The following COBLL1 variants were observed in gnomAD, a reference collection of about 807,000 sequenced individuals.
The protein encoded by COBLL1 is cordon-bleu WH2 repeat protein like 1, also known as cordon-bleu protein-like 1.
Under a neutral mutation model 94.8 loss-of-function variants are expected in COBLL1, and 50 were observed. The ratio of observed to expected loss-of-function variants is 0.53; its 90% confidence interval spans 0.42 to 0.67. The LOEUF (loss-of-function observed/expected upper bound fraction) is 0.67. Among genes scored for constraint, COBLL1 ranks in the 30% least tolerant of loss-of-function variants. COBLL1 has a pLI of 0.00. For synonymous variants in COBLL1, 448 were observed against 473.8 expected (o/e 0.95, Z 0.71); for missense variants, 1,362 against 1,348.7 (o/e 1.01, Z -0.15).
At chr2:164,819,628 G>C (rs1393990604) in intron 2 of COBLL1, among the ~76,000 whole-genome samples, 1 of 152,120 alleles carries the variant, frequency 6.6e-6, no homozygotes, top group African/African-American at 2.4e-5. Context: ...ATTTCAGGTA[G>C]GGAAAGAAAC....
chr2:164,729,807 C>A (rs951584563), intron 4 of COBLL1, 107 bp downstream of exon 4: 1 of 941,220 alleles, frequency 1.1e-6, no homozygotes. Flanking sequence ...AAACATAATA[C>A]TCACATTCAC....
At chr2:164,739,809 T>C (rs1259566246) in intron 3 of COBLL1, among the ~76,000 whole-genome samples, 1 of 152,230 alleles carries the variant, frequency 6.6e-6, no homozygotes, top group Non-Finnish European at 1.5e-5. Flanking sequence ...ATTAGGTAGT[T>C]AACATTTTTC....
intron 3 of COBLL1, among the ~76,000 whole-genome samples, chr2:164,738,742 T>G (rs985362498): frequency 6.6e-6 from 1 of 152,192 alleles, no homozygotes; most frequent in East Asian, 1.9e-4. Flanking sequence ...GATTTTGAAG[T>G]ATTTGCATTA....
intron 11 of COBLL1, 106 bp from the exon 12 acceptor site, chr2:164,695,942 G>T: frequency 5.6e-6 from 5 of 897,174 alleles, no homozygotes; most frequent in Non-Finnish European, 6.6e-6. Flanking sequence ...GAATTCTACA[G>T]ATAATTTTCA....
At position 164,683,404 on chromosome 2, in the gene COBLL1, C is replaced by T. The variant is rs1324589731; in HGVS notation, c.*2542G>A. 6.6e-6 allele frequency: 1 copy of T among 151,958 alleles called. No individual in the cohort carries two copies. The highest frequency in any genetic ancestry group is 1.5e-5 in the Non-Finnish European group (1 of 67,972). 9.4% of individuals were successfully genotyped at this position (151,958 alleles called of 1,614,324 possible). On this transcript the variant is annotated 3_prime_UTR_variant, in exon 14 of 14. Coordinates refer to ENST00000652658, the MANE Select transcript of COBLL1 (RefSeq NM_001365672.2). ...CCATTGACAGGATAGCACATGTTCT[C>T]CTAAAATGGTGTCGATAAGGCAACT...
chr2:164,732,419 T>C (rs1335847015), intron 3 of COBLL1, among the ~76,000 whole-genome samples: 2 of 152,184 alleles, frequency 1.3e-5, no homozygotes, highest in African/African-American at 2.4e-5. Flanking sequence ...TTTGGTAATA[T>C]GGTACTCTAC....
At chr2:164,669,298 G>C (rs149487203) in intron 1 of COBLL1, among the ~76,000 whole-genome samples, 1 of 152,046 alleles carries the variant, frequency 6.6e-6, no homozygotes, top group Non-Finnish European at 1.5e-5. Flanking sequence ...ATGCTACCTG[G>C]TAATATAAAA....
intron 1 of COBLL1, among the ~76,000 whole-genome samples, chr2:164,666,734 A>G (rs1691165006): frequency 6.6e-6 from 1 of 152,186 alleles, no homozygotes; most frequent in Non-Finnish European, 1.5e-5. Flanking sequence ...TTGCTCTTCC[A>G]TAAGAAGCAA....
chr2:164,732,958 G>A (rs1295104103), intron 3 of COBLL1, among the ~76,000 whole-genome samples: 1 of 152,300 alleles, frequency 6.6e-6, no homozygotes, highest in East Asian at 1.9e-4. Flanking sequence ...GGGAGGCTGA[G>A]GCAGGAGAAT....
chr2:164,819,060 C>T (rs973109757), intron 2 of COBLL1, among the ~76,000 whole-genome samples: 3 of 151,902 alleles, frequency 2.0e-5, no homozygotes, highest in African/African-American at 2.4e-5. Context: ...TGTGGGCAAC[C>T]GTGCCTGGCC....
rs374494138 is a variant in COBLL1 at position 164,769,233 on chromosome 2, TC to T, written c.42-25359del. Among the ~76,000 whole-genome samples the T allele has an allele frequency of 4.9e-4, 75 of 152,298 alleles. No individual in the cohort carries two copies. In the East Asian group the frequency reaches 0.014, roughly 28 times the overall value. On this transcript the variant is annotated intron_variant, in intron 2 of 13. Coordinates refer to ENST00000652658, the MANE Select transcript of COBLL1 (RefSeq NM_001365672.2). The stretch of plus-strand genomic sequence containing the variant: ...AATGTATTTAGTGTGAAATAACAGT[TC>T]CTTTCAGCATTTGACCCTGATTCAT...
chr2:164,768,013 A>G (rs535506978), intron 2 of COBLL1, among the ~76,000 whole-genome samples: 1 of 152,272 alleles, frequency 6.6e-6, no homozygotes, highest in African/African-American at 2.4e-5. Context: ...TTACTGAGGG[A>G]CTGGAAATCT....
At chr2:164,825,380 CAG>C (rs1203097445) in intron 2 of COBLL1, among the ~76,000 whole-genome samples, 1 of 152,056 alleles carries the variant, frequency 6.6e-6, no homozygotes, top group Non-Finnish European at 1.5e-5. Flanking sequence ...TTTCCAAGTG[CAG>C]AGTTTATGCA....
At chr2:164,723,134 A>G (rs1312927107) in intron 5 of COBLL1, 1 of 152,316 alleles carries the variant, frequency 6.6e-6, no homozygotes, top group East Asian at 1.9e-4. Context: ...TGCTGTCTGC[A>G]TTTACTGGGT....
intron 2 of COBLL1, among the ~76,000 whole-genome samples, chr2:164,820,491 G>C (rs10930137): frequency 0.2 from 29,865 of 152,140 alleles, 3,046 homozygotes; most frequent in Middle Eastern, 0.28. Context: ...AAAGTGCTGG[G>C]ATTACAGGCA....
At chr2:164,839,790 T>C (rs945275410) in intron 2 of COBLL1, among the ~76,000 whole-genome samples, 3 of 152,204 alleles carry the variant, frequency 2.0e-5, no homozygotes, top group Admixed American at 6.5e-5. Context: ...TCTACCGATA[T>C]ATTTCTTTAC....
chr2:164,826,775 T>C (rs1685447619), intron 2 of COBLL1, among the ~76,000 whole-genome samples: 1 of 152,216 alleles, frequency 6.6e-6, no homozygotes, highest in Non-Finnish European at 1.5e-5. Flanking sequence ...TTTCATTGCA[T>C]CAGACAACTG....
intron 2 of COBLL1, among the ~76,000 whole-genome samples, chr2:164,805,327 C>CTATATATATATATA (rs1282917607): frequency 3.8e-5 from 1 of 26,480 alleles, no homozygotes; most frequent in African/African-American, 1.5e-4. Flanking sequence ...CTCTCTCTCT[C>CTATATATATATATA]TCTCTCTCTC....
In COBLL1 at chr2:164,695,615, G is replaced by T. The variant is rs1321078667; in HGVS notation, c.1777C>A (p.Gln593Lys). 1 of 1,613,824 alleles carries T rather than the reference G, an allele frequency of 6.2e-7. No individual in the cohort carries two copies. The highest frequency in any genetic ancestry group is 8.5e-7 in the Non-Finnish European group (1 of 1,179,882). The change falls in exon 12 of 14, where the codon CAA becomes AAA. Residue 593 changes from glutamine to lysine, a missense_variant. By Grantham distance (53) the Gln-to-Lys change is moderately conservative (BLOSUM62 1). Coordinates refer to ENST00000652658, the MANE Select transcript of COBLL1 (RefSeq NM_001365672.2). ...TCTTTTGTCTTTTCTGCACTGGGTTGATTCAGTTTTTGATCTGGTACTGAT... is the reference window on the plus strand; with the variant it reads ...TCTTTTGTCTTTTCTGCACTGGGTTTATTCAGTTTTTGATCTGGTACTGAT... ...ASSVPDQKLN[Q>K]PSAEKTKDAA...
Sources: gnomAD v4.1 joint callset for allele counts (sites outside exome capture counted in the v4.1 genomes callset) on GRCh38, gnomAD v4.1.1 for gene constraint, MANE v1.5 for transcripts, NCBI Gene and HGNC (gene_info 2026-07-23, HGNC 2026-07-21) for gene names.